Variants in CTNNA2 observed in about 807,000 individuals in gnomAD.
The protein encoded by CTNNA2 is catenin alpha 2, also known as catenin alpha-2.
CTNNA2 carries 42 observed loss-of-function variants against 101.0 expected under a neutral mutation model. The observed-to-expected ratio is 0.42, with a 90% CI of 0.32 to 0.54. The LOEUF is 0.54. CTNNA2 is among the 20% of genes least tolerant of loss of function. The probability of loss-of-function intolerance (pLI) is 0.14; values close to 1 mark genes in which losing one functional copy is unlikely to be tolerated. For synonymous variants in CTNNA2, 450 were observed against 456.4 expected (o/e 0.99, Z 0.18); for missense variants, 871 against 1,223.1 (o/e 0.71, Z 4.29).
intron 6 of CTNNA2, among the ~76,000 whole-genome samples, chr2:79,896,025 A>C (rs1199128353): frequency 6.6e-6 from 1 of 152,052 alleles, no homozygotes; most frequent in African/African-American, 2.4e-5. Flanking sequence ...GTTCATGCCC[A>C]TAATCCCAGC....
At chr2:79,269,417 G>A (rs1264203959) in intron 2 of CTNNA2, among the ~76,000 whole-genome samples, 1 of 152,062 alleles carries the variant, frequency 6.6e-6, no homozygotes, top group Non-Finnish European at 1.5e-5. Flanking sequence ...TTCCAAGGGT[G>A]GCCCTCAGGC....
At chr2:79,823,095 T>C (rs1168271069) in intron 3 of CTNNA2, among the ~76,000 whole-genome samples, 3 of 152,196 alleles carry the variant, frequency 2.0e-5, no homozygotes, top group Admixed American at 6.5e-5. Flanking sequence ...GATGCTCCCA[T>C]CATAGCATCA....
chr2:79,677,753 CA>C (rs1683281767), intron 2 of CTNNA2, among the ~76,000 whole-genome samples: 1 of 152,220 alleles, frequency 6.6e-6, no homozygotes, highest in African/African-American at 2.4e-5. Context: ...TGTGATTATC[CA>C]GCCACTGAAA....
intron 7 of CTNNA2, among the ~76,000 whole-genome samples, chr2:80,380,683 T>G (rs535894078): frequency 6.6e-6 from 1 of 152,320 alleles, no homozygotes; most frequent in African/African-American, 2.4e-5. Context: ...CTGCAGAGAT[T>G]ACAATGCACT....
chr2:79,812,003 C>A lies in CTNNA2; in HGVS notation c.299-46010C>A, dbSNP rs747139801. Among the ~76,000 whole-genome samples, 16 of 152,138 alleles carry A rather than the reference C, an allele frequency of 1.1e-4. No individual in the cohort carries two copies. In the East Asian group the frequency reaches 2.1e-3, roughly 20 times the overall value. On this transcript the variant is annotated intron_variant, in intron 3 of 18. Coordinates refer to ENST00000402739, the MANE Select transcript of CTNNA2 (RefSeq NM_001282597.3). ...TTTAAATGATACTTTTAAAAAATTT[C>A]GATTTCCAATTGTTTACTGATTCTA...
intron 7 of CTNNA2, among the ~76,000 whole-genome samples, chr2:80,273,348 C>G (rs898653878): frequency 9.2e-5 from 14 of 152,072 alleles, no homozygotes; most frequent in African/African-American, 3.1e-4. Flanking sequence ...TGTCCATTTC[C>G]TACCACATCC....
intron 7 of CTNNA2, among the ~76,000 whole-genome samples, chr2:80,122,390 C>A (rs1288609632): frequency 6.6e-6 from 1 of 151,302 alleles, no homozygotes; most frequent in Non-Finnish European, 1.5e-5. Flanking sequence ...CCAGCCAGCC[C>A]CCTTTCTCTC....
chr2:79,348,294 C>A (rs6725108), intron 3 of CTNNA2, among the ~76,000 whole-genome samples: 15,646 of 152,116 alleles, frequency 0.1, 1,053 homozygotes, highest in East Asian at 0.34. Flanking sequence ...GATAAGGGAA[C>A]TGAGGTTTAG....
chr2:79,698,031 T>G (rs576472400), intron 2 of CTNNA2: 7 of 152,232 alleles, frequency 4.6e-5, no homozygotes, highest in African/African-American at 1.7e-4. Flanking sequence ...GTATTCGTGA[T>G]AAAATATTCC....
chr2:79,713,486 G>C (rs149572835), intron 2 of CTNNA2, among the ~76,000 whole-genome samples: 7 of 152,104 alleles, frequency 4.6e-5, no homozygotes, highest in Non-Finnish European at 8.8e-5. Context: ...TTCTGTGCTG[G>C]GAATTGCTAA....
chr2:79,996,603 T>C (rs72622677), intron 7 of CTNNA2, among the ~76,000 whole-genome samples: 24,992 of 152,138 alleles, frequency 0.16, 2,266 homozygotes, highest in East Asian at 0.27. Context: ...TGAGTCACTG[T>C]AGAGCACTTG....
At chr2:80,216,617 G>A (rs1708283893) in intron 7 of CTNNA2, among the ~76,000 whole-genome samples, 1 of 152,130 alleles carries the variant, frequency 6.6e-6, no homozygotes, top group Admixed American at 6.5e-5. Flanking sequence ...AGGAGAAGTT[G>A]GTAGTCTGCA....
chr2:79,204,340 C>G (rs2104187053), intron 2 of CTNNA2, among the ~76,000 whole-genome samples: 1 of 152,318 alleles, frequency 6.6e-6, no homozygotes, highest in East Asian at 1.9e-4. Context: ...GCAAGTCTTT[C>G]CTGTCCCTCT....
intron 7 of CTNNA2, among the ~76,000 whole-genome samples, chr2:79,952,633 C>A (rs538176671): frequency 3.3e-5 from 5 of 152,256 alleles, no homozygotes; most frequent in Admixed American, 3.3e-4. Flanking sequence ...AATACAAGAA[C>A]GAAATTGAAT....
At chr2:80,287,187 C>T (rs1364786315) in intron 7 of CTNNA2, among the ~76,000 whole-genome samples, 2 of 152,004 alleles carry the variant, frequency 1.3e-5, no homozygotes, top group African/African-American at 2.4e-5. Flanking sequence ...ATTGTGTCAT[C>T]ATGAAAATTT....
chr2:80,127,250 A>G (rs1320197376), intron 7 of CTNNA2, among the ~76,000 whole-genome samples: 1 of 152,012 alleles, frequency 6.6e-6, no homozygotes, highest in Non-Finnish European at 1.5e-5. Context: ...TTTGTTTTGT[A>G]TAGGACCTGC....
chr2:80,142,781 G>T (rs1162522281), intron 7 of CTNNA2, among the ~76,000 whole-genome samples: 1 of 152,098 alleles, frequency 6.6e-6, no homozygotes, highest in African/African-American at 2.4e-5. Context: ...ATGCGAAAGG[G>T]GCTTTACTGG....
At chr2:79,231,189 C>A (rs1356755111) in intron 2 of CTNNA2, among the ~76,000 whole-genome samples, 2 of 152,054 alleles carry the variant, frequency 1.3e-5, no homozygotes, top group Non-Finnish European at 2.9e-5. Context: ...TTTGGCTGTG[C>A]CCCCACCCAA....
intron 7 of CTNNA2, among the ~76,000 whole-genome samples, chr2:80,178,216 C>T (rs776344769): frequency 2.0e-5 from 3 of 152,180 alleles, no homozygotes; most frequent in African/African-American, 4.8e-5. Flanking sequence ...AGCCTGTTCA[C>T]GTACATACAT....
Sources: gnomAD v4.1 joint callset for allele counts (sites outside exome capture counted in the v4.1 genomes callset) on GRCh38, gnomAD v4.1.1 for gene constraint, MANE v1.5 for transcripts, NCBI Gene and HGNC (gene_info 2026-07-23, HGNC 2026-07-21) for gene names.